REDIC1: variants seen among roughly 807,000 people sequenced by gnomAD.
REDIC1 encodes HEI10 Interacting Protein 1.
the REDIC1 span, among the ~76,000 whole-genome samples, chr12:39,815,601 C>T: frequency 4.6e-5 from 7 of 151,964 alleles, no homozygotes; most frequent in Non-Finnish European, 8.8e-5. Flanking sequence ...GTTTGGGGGA[C>T]GGTAAGAGGC....
chr12:39,826,058 G>T, the REDIC1 span, among the ~76,000 whole-genome samples: 1 of 152,030 alleles, frequency 6.6e-6, no homozygotes, highest in African/African-American at 2.4e-5. Flanking sequence ...GGATGATACT[G>T]ATTATTTGGA....
chr12:39,707,940 A>G, the REDIC1 span, among the ~76,000 whole-genome samples: 9 of 151,888 alleles, frequency 5.9e-5, no homozygotes, highest in South Asian at 4.1e-4. Context: ...TCACTTATTT[A>G]TGGAATCTAA....
the REDIC1 span, among the ~76,000 whole-genome samples, chr12:39,808,741 CTGTT>C: frequency 1.3e-5 from 2 of 151,966 alleles, no homozygotes; most frequent in African/African-American, 4.8e-5. Flanking sequence ...TGTGACTTGT[CTGTT>C]CAAATCTTTT....
At chr12:39,627,670 A>G in the REDIC1 span, among the ~76,000 whole-genome samples, 1 of 152,210 alleles carries the variant, frequency 6.6e-6, no homozygotes, top group Non-Finnish European at 1.5e-5. Flanking sequence ...ACATGGTTAC[A>G]TCTCCCCGAA....
At chr12:39,902,195 G>A in the REDIC1 span, among the ~76,000 whole-genome samples, 3 of 132,864 alleles carry the variant, frequency 2.3e-5, no homozygotes, top group African/African-American at 8.3e-5. Flanking sequence ...ACTGTTGTGG[G>A]GTGGGGTGGG....
chr12:39,795,728 G>T, the REDIC1 span, among the ~76,000 whole-genome samples: 1 of 152,126 alleles, frequency 6.6e-6, no homozygotes, highest in African/African-American at 2.4e-5. Context: ...TATGGGCACG[G>T]GAAACATAAA....
At chr12:39,757,479 A>G in the REDIC1 span, 2 of 151,656 alleles carry the variant, frequency 1.3e-5, no homozygotes, top group African/African-American at 4.8e-5. Context: ...TTAATATACT[A>G]TAAATGTTCA....
the REDIC1 span, among the ~76,000 whole-genome samples, chr12:39,701,807 A>T: frequency 2.6e-5 from 4 of 151,900 alleles, no homozygotes; most frequent in Admixed American, 2.6e-4. Flanking sequence ...GCTCAACTAC[A>T]TGGAAACTGA....
chr12:39,794,753 G>T, the REDIC1 span, among the ~76,000 whole-genome samples: 4 of 152,164 alleles, frequency 2.6e-5, no homozygotes. Flanking sequence ...CCTGATTTGC[G>T]AATCATTCTT....
the REDIC1 span, among the ~76,000 whole-genome samples, chr12:39,714,598 C>T: frequency 1.3e-5 from 2 of 151,654 alleles, no homozygotes; most frequent in African/African-American, 4.8e-5. Flanking sequence ...GACTGCTGGA[C>T]CAAATGGTAG....
the REDIC1 span, chr12:39,650,347 T>C: frequency 6.2e-7 from 1 of 1,610,000 alleles, no homozygotes; most frequent in Non-Finnish European, 8.5e-7. This position sits in a 1 kb window ranked among gnomAD's most constrained non-coding sequence, Gnocchi z 4.3. Flanking sequence ...ATTTGAAAGA[T>C]TAAACAGGTA....
At chr12:39,820,232 T>TA in the REDIC1 span, among the ~76,000 whole-genome samples, 1 of 152,158 alleles carries the variant, frequency 6.6e-6, no homozygotes, top group Non-Finnish European at 1.5e-5. Flanking sequence ...ACTTCCTAGA[T>TA]AAAATAAGAC....
chr12:39,874,657 T>C, the REDIC1 span, among the ~76,000 whole-genome samples: 7 of 149,384 alleles, frequency 4.7e-5, no homozygotes, highest in East Asian at 9.8e-4. Flanking sequence ...ATGAGAAGTA[T>C]GATGTAAGGC....
At chr12:39,731,439 G>T in the REDIC1 span, among the ~76,000 whole-genome samples, 1 of 152,130 alleles carries the variant, frequency 6.6e-6, no homozygotes, top group Non-Finnish European at 1.5e-5. Flanking sequence ...TTTGCTGGAG[G>T]TCCACTCCAG....
At chr12:39,852,493 T>C in the REDIC1 span, among the ~76,000 whole-genome samples, 3 of 152,234 alleles carry the variant, frequency 2.0e-5, no homozygotes, top group Non-Finnish European at 4.4e-5. Flanking sequence ...TCATTGATCA[T>C]GACTCACAGA....
chr12:39,653,558 T>TTCTTCTTTTTC, the REDIC1 span, among the ~76,000 whole-genome samples: 59 of 43,726 alleles, frequency 1.3e-3, no homozygotes, highest in Admixed American at 3.5e-3. Context: ...CTTCTTCTTC[T>TTCTTCTTTTTC]TTCTTCTTCT....
At chr12:39,840,917 G>A in the REDIC1 span, among the ~76,000 whole-genome samples, 1 of 152,022 alleles carries the variant, frequency 6.6e-6, no homozygotes. Context: ...TAGAAGATTT[G>A]GTAGTTCCCT....
chr12:39,692,671 A>G, the REDIC1 span, among the ~76,000 whole-genome samples: 2 of 151,956 alleles, frequency 1.3e-5, no homozygotes, highest in South Asian at 2.1e-4. Context: ...TCTTCTAACA[A>G]TGGATATTTA....
chr12:39,732,624 G>A, the REDIC1 span, among the ~76,000 whole-genome samples: 7 of 152,272 alleles, frequency 4.6e-5, no homozygotes, highest in East Asian at 1.3e-3. Context: ...ATATAAGAAA[G>A]GCAAGACAAA....
Sources: gnomAD v4.1 joint callset for allele counts (sites outside exome capture counted in the v4.1 genomes callset) on GRCh38, gnomAD v4.1.1 for gene constraint, Gnocchi (gnomAD v3.1) non-coding constraint, MANE v1.5 for transcripts, NCBI Gene and HGNC (gene_info 2026-07-23, HGNC 2026-07-21) for gene names.